MVP: variants seen among roughly 807,000 people sequenced by gnomAD.
MVP encodes lung resistance-related protein.
A neutral mutation model predicts 83.5 loss-of-function variants in MVP; 62 were observed. That is an observed-to-expected ratio of 0.74 (90% CI 0.61 to 0.92). MVP has a LOEUF of 0.92. Among genes scored for constraint, MVP ranks in the 40% least tolerant of loss-of-function variants. The probability of loss-of-function intolerance (pLI) is 0.00; values close to 1 mark genes in which losing one functional copy is unlikely to be tolerated. For synonymous variants in MVP, 505 were observed against 504.1 expected, an observed-to-expected ratio of 1.00 and a Z score of -0.02; for missense variants, 1,000 against 1,203.4, an observed-to-expected ratio of 0.83 and a Z score of 2.50.
At chr16:29,834,117 T>C in intron 5 of MVP, 51 bp downstream of exon 5, 1 of 1,593,900 alleles carries the variant, frequency 6.3e-7, no homozygotes, top group Non-Finnish European at 8.5e-7. Context: ...GGGTCCCCAC[T>C]GCAGGGGAAG....
rs1409600608 is a variant in MVP, at chr16:29,844,623, G to A, written c.1765G>A (p.Asp589Asn). The change falls in exon 11 of 15, where the codon GAT becomes AAT. Residue 589 changes from aspartate to asparagine, a missense_variant. Coordinates refer to ENST00000357402, the MANE Select transcript of MVP (RefSeq NM_005115.5). The part of the protein sequence containing the change: ...VRGAVASVTF[D>N]DFHKNSARII... ...GGGGGCCGTGGCCTCTGTCACTTTC[G>A]ATGACTTCCATAAGAACTCAGCCCG... 5 of 1,613,936 alleles carry A rather than the reference G, an allele frequency of 3.1e-6. No individual in the cohort carries two copies. The highest frequency in any genetic ancestry group is 1.3e-5 in the African/African-American group (1 of 74,946).
chr16:29,829,720 C>T (rs1178365198), intron 1 of MVP: 2 of 152,190 alleles, frequency 1.3e-5, no homozygotes, highest in African/African-American at 4.8e-5. Context: ...TTCCACCCTA[C>T]CCTTGCTCAC....
chr16:29,823,125 T>TC (rs1033735459), intron 1 of MVP, among the ~76,000 whole-genome samples: 5 of 124,422 alleles, frequency 4.0e-5, no homozygotes, highest in African/African-American at 9.7e-5. Flanking sequence ...TTCTTTTCTT[T>TC]TTTTTTTTTT....
At chr16:29,843,907 T>C (rs1167723485) in intron 10 of MVP, among the ~76,000 whole-genome samples, 9 of 152,020 alleles carry the variant, frequency 5.9e-5, no homozygotes, top group Non-Finnish European at 1.3e-4. Flanking sequence ...CCAAAAAGAA[T>C]ATTCAATACT....
In MVP at chr16:29,830,567, C is replaced by A; in HGVS notation, c.18C>A (p.Phe6Leu). Reference protein sequence around the residue: MATEEFIIRIPPYHYI... With the variant: MATEELIIRIPPYHYI... ...GAGTCACCATGGCAACTGAAGAGTTCATCATCCGCATCCCCCCATACCACT... is the reference window on the plus strand; with the variant it reads ...GAGTCACCATGGCAACTGAAGAGTTAATCATCCGCATCCCCCCATACCACT... The change falls in exon 2 of 15, where the codon TTC (phenylalanine) becomes TTA (leucine). Residue 6 changes from phenylalanine (F) to leucine (L), a missense_variant. Phe to Leu is a conservative substitution (Grantham distance 22). Coordinates refer to ENST00000357402, the MANE Select transcript of MVP (RefSeq NM_005115.5). 6.2e-7 allele frequency: 1 copy of A among 1,613,998 alleles called. No individual in the cohort carries two copies. The highest frequency in any genetic ancestry group is 1.1e-5 in the South Asian group (1 of 91,070).
rs2067597676 is a variant in MVP, at chr16:29,847,690, C to G, written c.2455-72C>G. The stretch of plus-strand genomic sequence containing the variant: ...GGAGGTGACCCTTCAAACCAGCTGA[C>G]TTAAGGAGGGTCACTCTGAAGTGGC... On this transcript the variant is annotated intron_variant, in intron 14 of 14. Transcript: ENST00000357402. 17 of 1,461,688 alleles carry G rather than the reference C, an allele frequency of 1.2e-5. No homozygotes were observed. In the South Asian group the frequency reaches 1.8e-4, roughly 16 times the overall value. The allele number at this position is 1,461,688 out of a possible 1,614,324, so 90.5% of individuals were successfully genotyped here.
intron 1 of MVP, among the ~76,000 whole-genome samples, chr16:29,821,853 C>T (rs2067364038): frequency 2.0e-5 from 3 of 152,302 alleles, no homozygotes; most frequent in African/African-American, 7.2e-5. Flanking sequence ...AACACAGGGT[C>T]CAGAGGCTCT....
rs1297757943 is a variant in MVP, at chr16:29,840,587, G to T, written c.1191+128G>T. The T allele has an allele frequency of 9.2e-6, 10 of 1,090,914 alleles. No homozygotes were observed. The East Asian group carries it at 2.3e-4, about 26-fold the overall frequency. The allele number at this position is 1,090,914 out of a possible 1,614,324, so 67.6% of individuals were successfully genotyped here. A position where few individuals can be genotyped will look rare whatever the true frequency, so the allele number is the denominator to read the frequency against. On this transcript the variant is annotated intron_variant, in intron 8 of 14. Transcript: ENST00000357402. ...GAGAGCCATATCAGGTGGGCTGTCT[G>T]GTTGGGGGAGGGCACTACGTGGAGT...
intron 1 of MVP, among the ~76,000 whole-genome samples, chr16:29,827,250 A>G (rs1198220950): frequency 2.6e-5 from 4 of 152,248 alleles, no homozygotes; most frequent in Non-Finnish European, 4.4e-5. Flanking sequence ...GTCAGATCTC[A>G]TACAAAGTTG....
intron 14 of MVP, 135 bp downstream of exon 14, chr16:29,847,520 C>A: frequency 1.1e-6 from 1 of 928,282 alleles, no homozygotes; most frequent in Non-Finnish European, 1.6e-6. Context: ...GATGCAGGGA[C>A]ATTCACACAG....
chr16:29,844,706 C>T lies in MVP; in HGVS notation c.1848C>T (p.Gly616=). ...FETSEAKGPD[G]MALPRPRDQA... ...CCTCGGAAGCGAAGGGCCCCGATGG[C>T]ATGGCCCTGCCCAGGCCCCGGGACC... Residue 616 remains glycine (G), a synonymous_variant, in exon 11 of 15, where the codon GGC becomes GGT. Transcript: ENST00000357402. 6.2e-7 allele frequency: 1 copy of T among 1,613,872 alleles called. No individual in the cohort carries two copies. Among genetic ancestry groups the T allele is most frequent in the East Asian group, 2.2e-5 (1 of 44,884 alleles).
Position 29,830,877 on chromosome 16 carries a change from G to C in MVP, c.126-1G>C. 2 of 1,609,600 alleles carry C rather than the reference G, an allele frequency of 1.2e-6. No homozygotes were observed. The highest frequency in any genetic ancestry group is 1.7e-6 in the Non-Finnish European group (2 of 1,176,518). On this transcript the variant is annotated splice_acceptor_variant, in intron 2 of 14. Coordinates refer to ENST00000357402, the MANE Select transcript of MVP (RefSeq NM_005115.5). LOFTEE classifies it high-confidence loss of function. ...TCACACCTCTTCTCATCTTCCTGCAGGGTACTGTTTGCCCCCATGCGCATG... is the reference window on the plus strand; with the variant it reads ...TCACACCTCTTCTCATCTTCCTGCACGGTACTGTTTGCCCCCATGCGCATG...
At chr16:29,831,789 T>A (rs527874861) in intron 3 of MVP, 2 of 451,630 alleles carry the variant, frequency 4.4e-6, no homozygotes, top group East Asian at 1.4e-4. Flanking sequence ...GTGCCTGTTC[T>A]AGGAGAAGCC....
intron 3 of MVP, among the ~76,000 whole-genome samples, chr16:29,832,292 C>CA (rs1555504377): frequency 9.3e-6 from 1 of 107,290 alleles, no homozygotes; most frequent in Non-Finnish European, 1.8e-5. Flanking sequence ...ATTCTTGTAC[C>CA]TTTTTTTTTT....
intron 11 of MVP, among the ~76,000 whole-genome samples, chr16:29,845,165 G>A (rs1172752512): frequency 6.7e-6 from 1 of 149,788 alleles, no homozygotes; most frequent in Non-Finnish European, 1.5e-5. Context: ...TCCAGCCTGG[G>A]CAACAGGCCT....
intron 1 of MVP, among the ~76,000 whole-genome samples, chr16:29,826,581 C>T (rs548100221): frequency 6.9e-6 from 1 of 145,492 alleles, no homozygotes; most frequent in South Asian, 2.2e-4. Context: ...GAGCTGTGAT[C>T]ACTGCACTCC....
intron 3 of MVP, 160 bp from the exon 4 acceptor site, chr16:29,833,573 G>C (rs1031557441): frequency 2.0e-5 from 17 of 855,906 alleles, no homozygotes; most frequent in Non-Finnish European, 2.9e-5. Flanking sequence ...GTCTCCCAAA[G>C]TTCTGGGATG....
intron 5 of MVP, 113 bp from the exon 6 acceptor site, chr16:29,835,591 G>A (rs929881542): frequency 1.2e-6 from 1 of 804,064 alleles, no homozygotes; most frequent in South Asian, 1.6e-5. Flanking sequence ...TGGGGTCAGT[G>A]CTATCTTTTT....
intron 1 of MVP, among the ~76,000 whole-genome samples, chr16:29,828,470 C>T (rs1328231842): frequency 3.3e-5 from 5 of 152,168 alleles, no homozygotes; most frequent in Admixed American, 2.0e-4. Flanking sequence ...ACCTCTGCCT[C>T]CCAGGTTCGA....
Sources: allele counts gnomAD v4.1 joint callset (sites outside exome capture counted in the v4.1 genomes callset), GRCh38; gene constraint gnomAD v4.1.1; transcripts MANE v1.5; gene names NCBI Gene and HGNC (gene_info 2026-07-23, HGNC 2026-07-21).